Variants in CPA6 observed in about 807,000 individuals in gnomAD.
CPA6 encodes carboxypeptidase B.
In CPA6, 58 loss-of-function variants were observed where a neutral mutation model predicts 63.3. That is an observed-to-expected ratio of 0.92 (90% confidence interval 0.74 to 1.14). CPA6 has a LOEUF of 1.14. Among genes scored for constraint, CPA6 ranks in the 50% most tolerant of loss-of-function variants. The probability of loss-of-function intolerance (pLI) is 0.00; values close to 1 mark genes in which losing one functional copy is unlikely to be tolerated. For missense variants in CPA6, 565 were observed against 526.6 expected, an observed-to-expected ratio of 1.07 and a Z score of -0.71; for synonymous variants, 185 against 179.0, an observed-to-expected ratio of 1.03 and a Z score of -0.27.
rs563097003 is a variant in CPA6 at position 67,620,363 on chromosome 8, C to T, written c.192+3813G>A. Among the ~76,000 whole-genome samples, 10 of 152,186 alleles carry T rather than the reference C, an allele frequency of 6.6e-5. No homozygotes were observed. The South Asian group carries it at 1.7e-3, about 25-fold the overall frequency. On this transcript the variant is annotated intron_variant, in intron 2 of 10. Transcript: ENST00000297770. ...TGGCTGTCCCATCATATTCACAGGC[C>T]CCTCCTCATCCTCAGGGGAGTGATT...
intron 10 of CPA6, among the ~76,000 whole-genome samples, chr8:67,423,987 G>T (rs964932089): frequency 6.6e-6 from 1 of 152,178 alleles, no homozygotes. Flanking sequence ...TTGCATTACT[G>T]CCTGAGCTCT....
chr8:67,631,769 G>A lies in CPA6; in HGVS notation c.117-7518C>T, dbSNP rs140208483. ...CTTTATGAGCTGTAACACTCACTGC[G>A]AAGATCTGCAGCTTCACTCCTGTGG... On this transcript the variant is annotated intron_variant, in intron 1 of 10. Transcript: ENST00000297770. Among the ~76,000 whole-genome samples, 459 of 152,190 alleles carry A rather than the reference G, an allele frequency of 3.0e-3. 2 individuals are homozygous for A. The highest frequency in any genetic ancestry group is 0.01 in the African/African-American group (431 of 41,528).
chr8:67,705,108 G>T (rs1817106103), intron 1 of CPA6, among the ~76,000 whole-genome samples: 1 of 152,166 alleles, frequency 6.6e-6, no homozygotes, highest in Admixed American at 6.5e-5. Context: ...CCAGGTAACT[G>T]CCATTGGTGT....
At chr8:67,588,989 T>C (rs762457316) in intron 2 of CPA6, among the ~76,000 whole-genome samples, 1 of 152,020 alleles carries the variant, frequency 6.6e-6, no homozygotes, top group Admixed American at 6.6e-5. Flanking sequence ...TGGTCGTTCA[T>C]GCCTGTAATA....
chr8:67,621,860 G>T (rs1815091121), intron 2 of CPA6, among the ~76,000 whole-genome samples: 1 of 152,012 alleles, frequency 6.6e-6, no homozygotes, highest in African/African-American at 2.4e-5. Flanking sequence ...TTTCTTTGAG[G>T]ACTAAATGAA....
chr8:67,466,730 A>G (rs1247503653), intron 8 of CPA6, among the ~76,000 whole-genome samples: 1 of 152,202 alleles, frequency 6.6e-6, no homozygotes, highest in Admixed American at 6.5e-5. Flanking sequence ...AAATCATTCA[A>G]GAACAAGTTG....
chr8:67,665,873 T>C (rs904343330), intron 1 of CPA6, among the ~76,000 whole-genome samples: 2 of 152,324 alleles, frequency 1.3e-5, no homozygotes, highest in African/African-American at 4.8e-5. Context: ...TCACACTGGG[T>C]TGTGGTGCAG....
chr8:67,709,997 C>A (rs1817220688), intron 1 of CPA6, among the ~76,000 whole-genome samples: 1 of 151,974 alleles, frequency 6.6e-6, no homozygotes, highest in Non-Finnish European at 1.5e-5. Flanking sequence ...CCTGTAATCC[C>A]AGCTACTCAG....
At chr8:67,630,392 T>C (rs1018883119) in intron 1 of CPA6, among the ~76,000 whole-genome samples, 1 of 151,722 alleles carries the variant, frequency 6.6e-6, no homozygotes, top group African/African-American at 2.4e-5. Context: ...CACACAGACA[T>C]GGGGAGAACA....
At chr8:67,587,944 C>A (rs764957438) in intron 2 of CPA6, among the ~76,000 whole-genome samples, 2 of 152,022 alleles carry the variant, frequency 1.3e-5, no homozygotes, top group Non-Finnish European at 2.9e-5. Flanking sequence ...ATAGCTAGTG[C>A]CATTGGTTGA....
At chr8:67,727,442 C>A (rs532740726) in intron 1 of CPA6, among the ~76,000 whole-genome samples, 3 of 152,118 alleles carry the variant, frequency 2.0e-5, no homozygotes, top group African/African-American at 7.2e-5. Flanking sequence ...TTCCCCACTG[C>A]CCCCCTTAAC....
intron 3 of CPA6, 93 bp downstream of exon 3, chr8:67,517,830 G>A (rs1305591397): frequency 1.5e-6 from 2 of 1,306,244 alleles, no homozygotes; most frequent in Admixed American, 2.5e-5. Flanking sequence ...CCAAAACACT[G>A]TTGTAAGTAC....
chr8:67,646,461 G>T (rs911495760), intron 1 of CPA6, among the ~76,000 whole-genome samples: 3 of 152,148 alleles, frequency 2.0e-5, no homozygotes, highest in African/African-American at 7.2e-5. Flanking sequence ...CCCATTTTTG[G>T]TGGGGGAACG....
At chr8:67,500,128 C>G (rs1197177545) in intron 6 of CPA6, among the ~76,000 whole-genome samples, 2 of 152,136 alleles carry the variant, frequency 1.3e-5, no homozygotes, top group Non-Finnish European at 2.9e-5. Context: ...TATGAGTGTT[C>G]TAGTTTCCTG....
At chr8:67,678,877 T>G (rs1816534201) in intron 1 of CPA6, among the ~76,000 whole-genome samples, 1 of 152,208 alleles carries the variant, frequency 6.6e-6, no homozygotes, top group Non-Finnish European at 1.5e-5. Flanking sequence ...AATAGGTATA[T>G]CGCGATATGA....
intron 8 of CPA6, among the ~76,000 whole-genome samples, chr8:67,458,300 G>A (rs144184458): frequency 6.6e-6 from 1 of 152,272 alleles, no homozygotes; most frequent in African/African-American, 2.4e-5. Context: ...AGGTTCAAGT[G>A]ATTCTCGTGC....
At chr8:67,501,865 C>A (rs111734800) in intron 6 of CPA6, among the ~76,000 whole-genome samples, 2,698 of 152,124 alleles carry the variant, frequency 0.018, 84 homozygotes, top group African/African-American at 0.06. Context: ...AGCTTCTGGG[C>A]CTTGAAATTT....
At chr8:67,654,325 G>A (rs1815929733) in intron 1 of CPA6, among the ~76,000 whole-genome samples, 1 of 152,214 alleles carries the variant, frequency 6.6e-6, no homozygotes, top group Non-Finnish European at 1.5e-5. Context: ...AATGGTACCA[G>A]CTCCTCCTTG....
At chr8:67,473,903 G>A (rs1285748763) in intron 8 of CPA6, among the ~76,000 whole-genome samples, 3 of 152,056 alleles carry the variant, frequency 2.0e-5, no homozygotes, top group African/African-American at 7.2e-5. Flanking sequence ...CACCATGACT[G>A]GTAGCAGAGG....
Sources: allele counts gnomAD v4.1 joint callset (sites outside exome capture counted in the v4.1 genomes callset), GRCh38; gene constraint gnomAD v4.1.1; transcripts MANE v1.5; gene names NCBI Gene and HGNC (gene_info 2026-07-23, HGNC 2026-07-21).